CACNA1G: variants seen among roughly 807,000 people sequenced by gnomAD.
CACNA1G encodes the protein voltage-dependent T-type calcium channel subunit alpha-1G.
In CACNA1G, 67 loss-of-function variants were observed where a neutral mutation model predicts 219.4. That is an observed-to-expected ratio of 0.31 (90% CI 0.25 to 0.37). The LOEUF (loss-of-function observed/expected upper bound fraction) is 0.37, where lower values mean the gene tolerates loss of function less well. Ranked by LOEUF, CACNA1G falls within the 10% of genes least tolerant of loss-of-function variation. CACNA1G has a pLI of 1.00. For synonymous variants in CACNA1G, 1,296 were observed against 1,345.3 expected, an observed-to-expected ratio of 0.96 and a Z score of 0.80; for missense variants, 2,380 against 3,231.4, an observed-to-expected ratio of 0.74 and a Z score of 6.39.
In CACNA1G at chr17:50,561,432, A is replaced by C; in HGVS notation, c.-28A>C. The C allele has an allele frequency of 6.5e-7, 1 of 1,532,994 alleles. No individual in the cohort carries two copies. The highest frequency in any genetic ancestry group is 8.7e-7 in the Non-Finnish European group (1 of 1,146,302). 95.0% of individuals were successfully genotyped at this position (1,532,994 alleles called of 1,614,324 possible). A position where few individuals can be genotyped will look rare whatever the true frequency, so the allele number is the denominator to read the frequency against. ...AGGGGCGCCGCTTGCCCCTCTCCGG[A>C]TCGCCCGGGGCCCCGGCTGGCCAGA... On this transcript the variant is annotated 5_prime_UTR_variant, in exon 1 of 38. Transcript: ENST00000359106.
At position 50,627,088 on chromosome 17, in the gene CACNA1G, A is replaced by G. The variant is rs777779793; in HGVS notation, c.*337A>G. On this transcript the variant is annotated 3_prime_UTR_variant, in exon 38 of 38. Coordinates refer to ENST00000359106, the MANE Select transcript of CACNA1G (RefSeq NM_018896.5). ...GAATCTAGTATATGCGGGATGTACG[A>G]CATTTTGTGACTGAAGAGACTTGTT... 3.1e-4 allele frequency: 152 copies of G among 487,446 alleles called. 1 individual carries two copies. In the Admixed American group the frequency reaches 3.3e-3, roughly 11 times the overall value. The allele number at this position is 487,446 out of a possible 1,614,324, so 30.2% of individuals were successfully genotyped here.
intron 28 of CACNA1G, 119 bp downstream of exon 28, chr17:50,616,503 C>CACAGGGTGGGGGCTGAA: frequency 3.2e-6 from 2 of 615,460 alleles, no homozygotes; most frequent in Non-Finnish European, 5.7e-6. Context: ...GAGGTTCAGC[C>CACAGGGTGGGGGCTGAA]CCCACCCTGT....
intron 1 of CACNA1G, among the ~76,000 whole-genome samples, chr17:50,562,296 G>T (rs910957224): frequency 2.6e-5 from 4 of 152,260 alleles, no homozygotes; most frequent in East Asian, 3.9e-4. Context: ...GGAGATGTTG[G>T]GGGGCGGGGA....
intron 28 of CACNA1G, 24 bp downstream of exon 28, chr17:50,616,408 G>A (rs1444334346): frequency 7.3e-7 from 1 of 1,371,784 alleles, no homozygotes; most frequent in Admixed American, 1.7e-5. Flanking sequence ...GGGGGGTCTT[G>A]GGGACTTGCG....
intron 2 of CACNA1G, 62 bp from the exon 3 acceptor site, chr17:50,569,103 G>A: frequency 6.3e-7 from 1 of 1,585,052 alleles, no homozygotes; most frequent in Non-Finnish European, 8.6e-7. Flanking sequence ...GGACTAGGGT[G>A]GGACTAGAGG....
rs778008575 is a variant in CACNA1G at position 50,607,990 on chromosome 17, G to T, written c.4676G>T (p.Arg1559Leu). 2 of 1,612,134 alleles carry T rather than the reference G, an allele frequency of 1.2e-6. No individual in the cohort carries two copies. Among genetic ancestry groups the T allele is most frequent in the Non-Finnish European group, 1.7e-6 (2 of 1,179,102 alleles). The change falls in exon 25 of 38, where the codon CGC (arginine) becomes CTC (leucine). Residue 1559 changes from arginine to leucine, a missense_variant. By Grantham distance (102) the Arg-to-Leu change is moderately radical (BLOSUM62 -2). Around this residue, in one of 17 missense-constraint regions of CACNA1G, gnomAD observed 58 missense variants for 71.3 expected, o/e 0.81. Transcript: ENST00000359106. Reference sequence around the variant, plus strand: ...GAGGCCCGGCGGCGGGAGGAGAAGCGCCTACGAAGACTGGAGAAAAAGAGA... The same window carrying T: ...GAGGCCCGGCGGCGGGAGGAGAAGCTCCTACGAAGACTGGAGAAAAAGAGA... ...EEEARRREEKRLRRLEKKRRN... is the reference protein window; with the variant it reads ...EEEARRREEKLLRRLEKKRRN...
Position 50,575,492 on chromosome 17 carries a change from G to C in CACNA1G, c.1141-51G>C, listed in dbSNP as rs562719792. 9.5e-5 allele frequency: 145 copies of C among 1,532,142 alleles called. 2 individuals carry two copies. The South Asian group carries it at 1.5e-3, about 16-fold the overall frequency. The allele number at this position is 1,532,142 out of a possible 1,614,324, so 94.9% of individuals were successfully genotyped here. On this transcript the variant is annotated intron_variant, in intron 7 of 37. Transcript: ENST00000359106. Reference sequence around the variant, plus strand: ...GCCTCCGTATGTGGTGGCTGGCATTGTGATTCACTTTTCTTCAGGACATTT... The same window carrying C: ...GCCTCCGTATGTGGTGGCTGGCATTCTGATTCACTTTTCTTCAGGACATTT...
chr17:50,605,479 C>T (rs183328585), intron 22 of CACNA1G, among the ~76,000 whole-genome samples: 3 of 152,304 alleles, frequency 2.0e-5, no homozygotes, highest in African/African-American at 7.2e-5. Context: ...CTTGAGTTTG[C>T]GTCAGAATCA....
intron 9 of CACNA1G, among the ~76,000 whole-genome samples, chr17:50,581,306 C>G (rs551651461): frequency 1.2e-4 from 18 of 151,974 alleles, no homozygotes; most frequent in African/African-American, 4.1e-4. Flanking sequence ...CAGAGACTCC[C>G]CTGGAGCTGG....
intron 19 of CACNA1G, among the ~76,000 whole-genome samples, chr17:50,601,957 C>T (rs369390703): frequency 2.6e-5 from 4 of 152,078 alleles, no homozygotes; most frequent in East Asian, 1.9e-4. Context: ...CTATTAGGGT[C>T]GGGGTGGAGG....
chr17:50,602,067 T>C (rs1326929091), intron 19 of CACNA1G, among the ~76,000 whole-genome samples: 1 of 152,190 alleles, frequency 6.6e-6, no homozygotes, highest in African/African-American at 2.4e-5. Context: ...GCAGGGGCGC[T>C]GGCTGCACTC....
intron 26 of CACNA1G, among the ~76,000 whole-genome samples, chr17:50,614,162 C>T (rs1455708372): frequency 1.3e-5 from 2 of 152,216 alleles, no homozygotes; most frequent in Non-Finnish European, 1.5e-5. Context: ...CCAGGCCGCT[C>T]CTTGCCTCAG....
rs771907755 is a variant in CACNA1G, at chr17:50,626,110, C to T, written c.6493C>T (p.Arg2165Trp). Residue 2165 changes from arginine (R) to tryptophan (W), a missense_variant, in exon 38 of 38, where the codon CGG becomes TGG. Arg to Trp is a moderately radical substitution (Grantham distance 101). Coordinates refer to ENST00000359106, the MANE Select transcript of CACNA1G (RefSeq NM_018896.5). This position sits in a 1 kb window ranked among gnomAD's most constrained non-coding sequence, Gnocchi z 4.3. The part of the protein sequence containing the change: ...EVSGPSPPLA[R>W]AYSFWGQSST... Reference sequence around the variant, plus strand: ...GAGTGGGCCCTCCCCGCCCCTGGCCCGGGCCTACTCTTTCTGGGGCCAGTC... The same window carrying T: ...GAGTGGGCCCTCCCCGCCCCTGGCCTGGGCCTACTCTTTCTGGGGCCAGTC... 1.1e-5 allele frequency: 18 copies of T among 1,613,510 alleles called. No individual in the cohort carries two copies. The highest frequency in any genetic ancestry group is 4.5e-5 in the East Asian group (2 of 44,874).
chr17:50,585,980 G>C (rs547327434), intron 9 of CACNA1G, among the ~76,000 whole-genome samples: 1 of 152,134 alleles, frequency 6.6e-6, no homozygotes, highest in African/African-American at 2.4e-5. Context: ...GGCTGGGGTC[G>C]GGCTTGGGCA....
At position 50,605,878 on chromosome 17, in the gene CACNA1G, C is replaced by A; in HGVS notation, c.4297-20C>A. On this transcript the variant is annotated intron_variant, in intron 22 of 37. Coordinates refer to ENST00000359106, the MANE Select transcript of CACNA1G (RefSeq NM_018896.5). ...GTGGTCACAGCTCACTTTTCTCTGT[C>A]TCTGGGAATGTGTGTCCAGCTCTTC... The A allele has an allele frequency of 6.2e-7, 1 of 1,612,878 alleles. No homozygotes were observed. The highest frequency in any genetic ancestry group is 1.1e-5 in the South Asian group (1 of 91,054).
chr17:50,617,908 G>A lies in CACNA1G; in HGVS notation c.5205G>A (p.Thr1735=), dbSNP rs768226015. The A allele has an allele frequency of 3.2e-5, 51 of 1,613,772 alleles. No individual in the cohort carries two copies. Among genetic ancestry groups the A allele is most frequent in the South Asian group, 3.0e-4 (27 of 91,064 alleles). Residue 1735 remains threonine (T), a synonymous_variant, in exon 30 of 38, where the codon ACG becomes ACA. Coordinates refer to ENST00000359106, the MANE Select transcript of CACNA1G (RefSeq NM_018896.5). This position sits in a 1 kb window ranked among gnomAD's most constrained non-coding sequence, Gnocchi z 5.8. ...TGGGCATGCGGGCGCTGCTGGACAC[G>A]GTGATGCAGGCCCTGCCCCAGGTAG... ...MAVGMRALLD[T]VMQALPQVGN... is the part of the protein sequence containing the mutation.
Position 50,601,191 on chromosome 17 carries a change from G to C in CACNA1G, c.3915+17G>C. On this transcript the variant is annotated intron_variant, in intron 19 of 37. Transcript: ENST00000359106. ...CACAGCGCTGTGAGTCACCAGCCCC[G>C]CTCAGGGCAAGGCCTCTCCTGGGGT... 6.2e-7 allele frequency: 1 copy of C among 1,612,988 alleles called. No homozygotes were observed. The highest frequency in any genetic ancestry group is 8.5e-7 in the Non-Finnish European group (1 of 1,179,702).
At chr17:50,565,404 G>A (rs1305747233) in intron 1 of CACNA1G, among the ~76,000 whole-genome samples, 6 of 151,206 alleles carry the variant, frequency 4.0e-5, no homozygotes, top group Admixed American at 6.6e-5. Context: ...TTCTGCTGGG[G>A]GAATCCCCCT....
intron 9 of CACNA1G, among the ~76,000 whole-genome samples, chr17:50,583,222 GGACCAAGCAGAGCT>G (rs1368610170): frequency 6.6e-6 from 1 of 152,168 alleles, no homozygotes; most frequent in African/African-American, 2.4e-5. Context: ...CTAGGGCTGA[GGACCAAGCAGAGCT>G]TTGGGGGATG....
Sources: gnomAD v4.1 joint callset for allele counts (sites outside exome capture counted in the v4.1 genomes callset) on GRCh38, gnomAD v4.1.1 for gene constraint, gnomAD v4.1.1 regional missense constraint, Gnocchi (gnomAD v3.1) non-coding constraint, MANE v1.5 for transcripts, NCBI Gene and HGNC (gene_info 2026-07-23, HGNC 2026-07-21) for gene names.